The following MTA1 variants were observed in gnomAD, a reference collection of about 807,000 sequenced individuals.
The protein encoded by MTA1 is metastasis associated 1.
Under a neutral mutation model 97.0 loss-of-function variants are expected in MTA1, and 15 were observed. That is an observed-to-expected ratio of 0.15 (90% CI 0.10 to 0.24). The LOEUF (loss-of-function observed/expected upper bound fraction) is 0.24. Among genes scored for constraint, MTA1 ranks in the 10% least tolerant of loss-of-function variants. The pLI is 1.00. For missense variants in MTA1, 709 were observed against 1,015.1 expected, an observed-to-expected ratio of 0.70 and a Z score of 4.10; for synonymous variants, 435 against 417.5, an observed-to-expected ratio of 1.04 and a Z score of -0.51.
At chr14:105,447,716 G>A (rs1266223031) in intron 3 of MTA1, among the ~76,000 whole-genome samples, 1 of 152,196 alleles carries the variant, frequency 6.6e-6, no homozygotes, top group African/African-American at 2.4e-5. Flanking sequence ...CCAGCTGCAG[G>A]GAGCAGGCGT....
At chr14:105,441,698 G>T (rs933798521) in intron 2 of MTA1, among the ~76,000 whole-genome samples, 2 of 152,204 alleles carry the variant, frequency 1.3e-5, no homozygotes, top group Non-Finnish European at 2.9e-5. Context: ...GGAGGCTGAG[G>T]CAGGAGAATG....
chr14:105,435,160 A>T (rs915583044), intron 1 of MTA1, among the ~76,000 whole-genome samples: 26 of 152,172 alleles, frequency 1.7e-4, no homozygotes, highest in African/African-American at 6.3e-4. Context: ...TTGTTTGCTC[A>T]GAGTTTAATA....
chr14:105,444,241 G>A (rs893303783), intron 2 of MTA1, among the ~76,000 whole-genome samples: 4 of 152,036 alleles, frequency 2.6e-5, no homozygotes, highest in African/African-American at 9.7e-5. Flanking sequence ...CGGGCGTGGT[G>A]GTGGGCGCCT....
In MTA1 at chr14:105,424,014, C is replaced by T. The variant is rs971025028; in HGVS notation, c.28+3951C>T. Among the ~76,000 whole-genome samples, 2 of 152,186 alleles carry T rather than the reference C, an allele frequency of 1.3e-5. No homozygotes were observed. Among genetic ancestry groups the T allele is most frequent in the Admixed American group, 6.6e-5 (1 of 15,266 alleles). On this transcript the variant is annotated intron_variant, in intron 1 of 20. Coordinates refer to ENST00000331320, the MANE Select transcript of MTA1 (RefSeq NM_004689.4). This position sits in a 1 kb window ranked among gnomAD's most constrained non-coding sequence, Gnocchi z 4.0. ...ACGGCCGTCCTGTGAGCACCAGGAG[C>T]GGGAGTGGTAGAAGTGGCAGGGGCC...
intron 8 of MTA1, 145 bp from the exon 9 acceptor site, chr14:105,460,213 C>G (rs1284375830): frequency 1.5e-6 from 1 of 651,494 alleles, no homozygotes; most frequent in Non-Finnish European, 2.5e-6. Context: ...GCCCATGGCC[C>G]CTGGTCCCTG....
chr14:105,441,801 T>A (rs955030519), intron 2 of MTA1, among the ~76,000 whole-genome samples: 16 of 151,076 alleles, frequency 1.1e-4, no homozygotes, highest in Middle Eastern at 3.4e-3. Flanking sequence ...CTCAAAAAAA[T>A]AAAAAAGTAA....
intron 1 of MTA1, among the ~76,000 whole-genome samples, chr14:105,435,962 T>C (rs2082312676): frequency 6.6e-6 from 1 of 152,148 alleles, no homozygotes; most frequent in Admixed American, 6.6e-5. Flanking sequence ...TTCAGTTTAT[T>C]GATCTTGTTA....
chr14:105,424,937 C>T lies in MTA1; in HGVS notation c.28+4874C>T, dbSNP rs1251503304. Among the ~76,000 whole-genome samples the T allele has an allele frequency of 1.3e-5, 2 of 152,262 alleles. No individual in the cohort carries two copies. The highest frequency in any genetic ancestry group is 4.8e-5 in the African/African-American group (2 of 41,472). ...CCGCCCTGGCAGTGCCGTTCCCGCC[C>T]GTGTGTGTGGGTTCTGGGTGTCAAA... is the stretch of plus-strand genomic sequence containing the variant. On this transcript the variant is annotated intron_variant, in intron 1 of 20. Coordinates refer to ENST00000331320, the MANE Select transcript of MTA1 (RefSeq NM_004689.4). This position sits in a 1 kb window ranked among gnomAD's most constrained non-coding sequence, Gnocchi z 4.0.
Position 105,460,965 on chromosome 14 carries a change from G to A in MTA1, c.942+12G>A, listed in dbSNP as rs1020595936. 4 of 1,601,518 alleles carry A rather than the reference G, an allele frequency of 2.5e-6. No individual in the cohort carries two copies. The highest frequency in any genetic ancestry group is 3.4e-6 in the Non-Finnish European group (4 of 1,173,734). On this transcript the variant is annotated intron_variant, in intron 10 of 20. Transcript: ENST00000331320. ...TTCAGCAAGATTTTGTGAGTACCGTGGGTGGCGATGGGGGAGTGGCTGGCC... is the reference window on the plus strand; with the variant it reads ...TTCAGCAAGATTTTGTGAGTACCGTAGGTGGCGATGGGGGAGTGGCTGGCC...
At chr14:105,454,895 A>T (rs1280455692) in intron 7 of MTA1, among the ~76,000 whole-genome samples, 1 of 148,424 alleles carries the variant, frequency 6.7e-6, no homozygotes, top group African/African-American at 2.5e-5. Flanking sequence ...TGGCCTTGGC[A>T]GTTATTTTTC....
At chr14:105,441,570 G>A (rs112939338) in intron 2 of MTA1, among the ~76,000 whole-genome samples, 6 of 152,332 alleles carry the variant, frequency 3.9e-5, no homozygotes, top group Admixed American at 1.3e-4. Context: ...CGAGGCGGGC[G>A]GATCACAAGA....
At chr14:105,441,793 C>CA (rs1219055194) in intron 2 of MTA1, among the ~76,000 whole-genome samples, 1 of 151,514 alleles carries the variant, frequency 6.6e-6, no homozygotes, top group East Asian at 1.9e-4. Context: ...GACTCTGTCT[C>CA]AAAAAAATAA....
intron 2 of MTA1, among the ~76,000 whole-genome samples, chr14:105,442,648 C>T (rs1236042888): frequency 6.6e-6 from 1 of 152,254 alleles, no homozygotes; most frequent in African/African-American, 2.4e-5. Context: ...CGTCTCAGAA[C>T]AGACCCCGAG....
chr14:105,431,490 A>C (rs1018415587), intron 1 of MTA1, among the ~76,000 whole-genome samples: 1 of 152,272 alleles, frequency 6.6e-6, no homozygotes, highest in African/African-American at 2.4e-5. Flanking sequence ...TACTGACACG[A>C]GAAATGTGTG....
intron 10 of MTA1, among the ~76,000 whole-genome samples, chr14:105,462,602 G>C (rs587672318): frequency 6.6e-6 from 1 of 151,848 alleles, no homozygotes; most frequent in South Asian, 2.1e-4. Flanking sequence ...GCCGGGCATG[G>C]TGGCTTATGC....
At position 105,469,874 on chromosome 14, in the gene MTA1, T is replaced by A. The variant is rs1478037552; in HGVS notation, c.1879T>A (p.Ser627Thr). ...CCGGAACCTCCTGCTCAACGGGAAG[T>A]CCTACCCCACCAAAGTGCGCCTGAT... ...PSRNLLLNGKSYPTKVRLIRG... is the reference protein window; with the variant it reads ...PSRNLLLNGKTYPTKVRLIRG... Residue 627 changes from serine to threonine, a missense_variant, in exon 20 of 21, where the codon TCC becomes ACC. Coordinates refer to ENST00000331320, the MANE Select transcript of MTA1 (RefSeq NM_004689.4). 1 of 1,610,430 alleles carries A rather than the reference T, an allele frequency of 6.2e-7. No homozygotes were observed. Among genetic ancestry groups the A allele is most frequent in the Non-Finnish European group, 8.5e-7 (1 of 1,178,978 alleles).
rs1257668912 is a variant in MTA1 at position 105,424,366 on chromosome 14, T to C, written c.28+4303T>C. Reference sequence around the variant, plus strand: ...CCGCCACCATGCCTGGCTAATGTTTTGTAATTTTTTTTTTTTTGTAGAGAC... The same window carrying C: ...CCGCCACCATGCCTGGCTAATGTTTCGTAATTTTTTTTTTTTTGTAGAGAC... On this transcript the variant is annotated intron_variant, in intron 1 of 20. Transcript: ENST00000331320. This position sits in a 1 kb window ranked among gnomAD's most constrained non-coding sequence, Gnocchi z 4.0. 1.3e-5 allele frequency among the ~76,000 whole-genome samples: 2 copies of C among 151,934 alleles called. No homozygotes were observed. The highest frequency in any genetic ancestry group is 2.4e-5 in the African/African-American group (1 of 41,330).
intron 6 of MTA1, among the ~76,000 whole-genome samples, chr14:105,451,775 CTTTTTT>C (rs1436886470): frequency 3.4e-5 from 4 of 118,268 alleles, no homozygotes; most frequent in Non-Finnish European, 5.1e-5. Flanking sequence ...TTTTCTTTTT[CTTTTTT>C]TGTTTTTTTT....
intron 1 of MTA1, among the ~76,000 whole-genome samples, chr14:105,429,043 G>T (rs2082094387): frequency 6.6e-6 from 1 of 152,128 alleles, no homozygotes; most frequent in African/African-American, 2.4e-5. Context: ...ACTTTTATGT[G>T]GTAGAAATGG....
Sources: allele counts gnomAD v4.1 joint callset (sites outside exome capture counted in the v4.1 genomes callset), GRCh38; gene constraint gnomAD v4.1.1; non-coding constraint Gnocchi (gnomAD v3.1); transcripts MANE v1.5; gene names NCBI Gene and HGNC (gene_info 2026-07-23, HGNC 2026-07-21).